Variants in RNF212B observed in about 807,000 individuals in gnomAD.
RNF212B encodes the protein ring finger protein 212B, also known as E3 ubiquitin-protein ligase RNF212B.
Under a neutral mutation model 55.5 loss-of-function variants are expected in RNF212B, and 52 were observed. That is an observed-to-expected ratio of 0.94 (90% CI 0.75 to 1.18). RNF212B has a LOEUF of 1.18. Among genes scored for constraint, RNF212B ranks in the 50% most tolerant of loss-of-function variants. The pLI, the probability that RNF212B is intolerant of heterozygous loss-of-function variation, is 0.00. For missense variants in RNF212B, 289 were observed against 350.4 expected (o/e 0.82, Z 1.40); for synonymous variants, 99 against 121.4 (o/e 0.82, Z 1.21).
At chr14:23,222,408 A>G (rs1436325336) in intron 2 of RNF212B, among the ~76,000 whole-genome samples, 1 of 152,208 alleles carries the variant, frequency 6.6e-6, no homozygotes, top group Admixed American at 6.5e-5. Context: ...ATTTTTAGAC[A>G]TATACAACCT....
At chr14:23,270,185 A>G (rs1441721615) in intron 13 of RNF212B, among the ~76,000 whole-genome samples, 1 of 152,172 alleles carries the variant, frequency 6.6e-6, no homozygotes, top group Non-Finnish European at 1.5e-5. Context: ...GAGTCCTACT[A>G]TTTAGCCAGA....
chr14:23,232,942 C>CG (rs1322044191), upstream of RNF212B, among the ~76,000 whole-genome samples: 2 of 151,838 alleles, frequency 1.3e-5, no homozygotes, highest in African/African-American at 4.8e-5. Context: ...GCCATGATGA[C>CG]GATGGTGGTT....
chr14:23,223,791 G>T (rs1272784509), intron 2 of RNF212B, among the ~76,000 whole-genome samples: 1 of 152,130 alleles, frequency 6.6e-6, no homozygotes, highest in African/African-American at 2.4e-5. Context: ...GAAAGGAAAA[G>T]GTCAAATTAT....
At chr14:23,201,946 A>T (rs1879329080) in intron 2 of RNF212B, among the ~76,000 whole-genome samples, 2 of 152,104 alleles carry the variant, frequency 1.3e-5, no homozygotes, top group African/African-American at 4.8e-5. Flanking sequence ...TATAACCTTT[A>T]TAAACTTTAT....
intron 2 of RNF212B, among the ~76,000 whole-genome samples, chr14:23,227,011 C>A (rs1014429054): frequency 1.3e-5 from 2 of 151,862 alleles, no homozygotes; most frequent in African/African-American, 4.8e-5. Context: ...TGTGAACACA[C>A]ACAAAAATGA....
At chr14:23,188,005 A>G (rs1211635385) in intron 1 of RNF212B, 2 of 152,262 alleles carry the variant, frequency 1.3e-5, no homozygotes, top group African/African-American at 2.4e-5. Context: ...AGACTCGGTC[A>G]GTGATTAAGC....
At chr14:23,233,560 T>TAA (rs1709823527), upstream of RNF212B, among the ~76,000 whole-genome samples, 1 of 38,300 alleles carries the variant, frequency 2.6e-5, no homozygotes, top group Non-Finnish European at 4.9e-5. Context: ...ACCCCATCTC[T>TAA]ACAAAAAAAA....
chr14:23,203,174 A>G (rs1178065129), intron 2 of RNF212B, among the ~76,000 whole-genome samples: 1 of 151,712 alleles, frequency 6.6e-6, no homozygotes, highest in Non-Finnish European at 1.5e-5. Flanking sequence ...AGTCCATTAT[A>G]TCATTCTTAT....
upstream of RNF212B, among the ~76,000 whole-genome samples, chr14:23,236,389 C>A (rs1251657683): frequency 1.3e-5 from 2 of 152,076 alleles, no homozygotes; most frequent in Non-Finnish European, 2.9e-5. Flanking sequence ...ATGGCAGGCG[C>A]CTGTAATCCC....
intron 11 of RNF212B, among the ~76,000 whole-genome samples, chr14:23,268,086 A>G (rs1473887550): frequency 1.3e-5 from 2 of 152,202 alleles, no homozygotes. Context: ...AATTGTTTTC[A>G]TCAGACTGGA....
intron 9 of RNF212B, among the ~76,000 whole-genome samples, chr14:23,263,938 C>T (rs1463172129): frequency 1.3e-5 from 2 of 151,904 alleles, no homozygotes; most frequent in Admixed American, 6.6e-5. Flanking sequence ...AAATACAAAA[C>T]TTAGCTGGGC....
intron 2 of RNF212B, among the ~76,000 whole-genome samples, chr14:23,203,125 T>TC (rs1264147194): frequency 6.6e-6 from 1 of 151,750 alleles, no homozygotes; most frequent in Non-Finnish European, 1.5e-5. Flanking sequence ...TTATCTCTCA[T>TC]CCCCCCAACC....
intron 2 of RNF212B, among the ~76,000 whole-genome samples, chr14:23,224,248 C>G (rs1490024335): frequency 6.6e-6 from 1 of 150,744 alleles, no homozygotes; most frequent in African/African-American, 2.4e-5. Flanking sequence ...AAAAAAAAAG[C>G]TATCCTAAAA....
chr14:23,262,502 T>G lies in RNF212B; in HGVS notation c.435-163T>G, dbSNP rs185089605. On this transcript the variant is annotated intron_variant, in intron 7 of 14. Coordinates refer to ENST00000430154, the MANE Select transcript of RNF212B (RefSeq NM_001282322.3). ...AGCAATGGGTTTTATATGGAAACTT[T>G]GCTTCCATATTTTAGGATGCTACCT... Among the ~76,000 whole-genome samples the G allele has an allele frequency of 5.7e-3, 873 of 152,346 alleles. 11 individuals are homozygous for G. Among genetic ancestry groups the G allele is most frequent in the African/African-American group, 0.02 (833 of 41,560 alleles).
chr14:23,186,950 G>A (rs1555307681), intron 1 of RNF212B, among the ~76,000 whole-genome samples: 2 of 152,116 alleles, frequency 1.3e-5, no homozygotes, highest in Non-Finnish European at 1.5e-5. Context: ...TTTTTGCTTT[G>A]GTGTCTTAAC....
chr14:23,258,630 C>T lies in RNF212B; in HGVS notation c.310C>T (p.Gln104Ter). The change falls in exon 5 of 15, where the codon CAG becomes TAG. Residue 104 changes from glutamine to a stop codon, truncating the protein, a stop_gained. Coordinates refer to ENST00000430154, the MANE Select transcript of RNF212B (RefSeq NM_001282322.3). LOFTEE classifies it high-confidence loss of function. ...HRITKLETAM[Q>*]EAQQALVSQD... The stretch of plus-strand genomic sequence containing the variant: ...AATTACAAAGTTAGAAACAGCCATG[C>T]AGGAGGCACAGCAAGCACTGGTGAG... 1 of 1,538,192 alleles carries T rather than the reference C, an allele frequency of 6.5e-7. No homozygotes were observed. The highest frequency in any genetic ancestry group is 8.8e-7 in the Non-Finnish European group (1 of 1,140,482).
intron 4 of RNF212B, among the ~76,000 whole-genome samples, chr14:23,245,957 T>A (rs1212897523): frequency 1.3e-5 from 2 of 152,158 alleles, no homozygotes; most frequent in African/African-American, 2.4e-5. Flanking sequence ...GTTGTAAATA[T>A]CTATTTATGT....
upstream of RNF212B, among the ~76,000 whole-genome samples, chr14:23,234,027 G>A (rs1464068267): frequency 2.0e-5 from 3 of 152,146 alleles, no homozygotes; most frequent in Non-Finnish European, 2.9e-5. Context: ...AACCTGGGAG[G>A]CAGAGGTTGC....
intron 2 of RNF212B, among the ~76,000 whole-genome samples, chr14:23,226,510 A>G (rs890483296): frequency 4.6e-5 from 7 of 151,868 alleles, no homozygotes; most frequent in African/African-American, 1.7e-4. Flanking sequence ...GTGCGCCTGT[A>G]GTCCCAGCTG....
Sources: gnomAD v4.1 joint callset for allele counts (sites outside exome capture counted in the v4.1 genomes callset) on GRCh38, gnomAD v4.1.1 for gene constraint, MANE v1.5 for transcripts, NCBI Gene and HGNC (gene_info 2026-07-23, HGNC 2026-07-21) for gene names.